SMYD3: variants seen among roughly 807,000 people sequenced by gnomAD.
SMYD3 encodes histone-lysine N-methyltransferase SMYD3.
In SMYD3, 36 loss-of-function variants were observed where a neutral mutation model predicts 57.7. The ratio of observed to expected loss-of-function variants is 0.62; its 90% CI spans 0.48 to 0.82. The LOEUF (loss-of-function observed/expected upper bound fraction) is 0.82, where lower values mean the gene tolerates loss of function less well. Ranked by LOEUF, SMYD3 falls within the 40% of genes least tolerant of loss-of-function variation. The probability of loss-of-function intolerance (pLI) is 0.00; values close to 1 mark genes in which losing one functional copy is unlikely to be tolerated. For synonymous variants in SMYD3, 211 were observed against 195.0 expected, an observed-to-expected ratio of 1.08 and a Z score of -0.68; for missense variants, 515 against 538.8, an observed-to-expected ratio of 0.96 and a Z score of 0.44.
At chr1:245,969,327 CAAT>C (rs923951268) in intron 5 of SMYD3, among the ~76,000 whole-genome samples, 2 of 152,210 alleles carry the variant, frequency 1.3e-5, no homozygotes, top group Non-Finnish European at 2.9e-5. Flanking sequence ...CTTCTACTAA[CAAT>C]AATGACATGG....
chr1:246,368,461 T>G (rs145809250), intron 1 of SMYD3, among the ~76,000 whole-genome samples: 1 of 152,312 alleles, frequency 6.6e-6, no homozygotes, highest in East Asian at 1.9e-4. Context: ...GAATCCACTT[T>G]AAACTTCCTA....
At chr1:246,180,037 G>A (rs1030710511) in intron 5 of SMYD3, among the ~76,000 whole-genome samples, 13 of 151,938 alleles carry the variant, frequency 8.6e-5, no homozygotes, top group African/African-American at 3.1e-4. Context: ...ACCAGGTGTG[G>A]TGGCTCATGC....
rs758959992 is a variant in SMYD3 at position 246,327,244 on chromosome 1, G to C, written c.488C>G (p.Ser163Cys). ...HFMREEIQDA[S>C]QLPPAFDLFE... ...AAGGTCAAAGGCAGGTGGCAGCTGAGAGGCATCCTGTATTTCTTCTCTCAT... is the reference window on the plus strand; with the variant it reads ...AAGGTCAAAGGCAGGTGGCAGCTGACAGGCATCCTGTATTTCTTCTCTCAT... Residue 163 changes from serine (S) to cysteine (C), a missense_variant, in exon 5 of 12, where the codon TCT becomes TGT. Physicochemically the swap from Ser to Cys is moderately radical, Grantham distance 112 (BLOSUM62 -1). Transcript: ENST00000490107. 2.5e-6 allele frequency: 4 copies of C among 1,614,152 alleles called. No individual in the cohort carries two copies. The South Asian group carries it at 4.4e-5, about 18-fold the overall frequency.
intron 1 of SMYD3, among the ~76,000 whole-genome samples, chr1:246,375,908 T>G (rs1572435964): frequency 1.3e-5 from 2 of 151,896 alleles, no homozygotes; most frequent in African/African-American, 2.4e-5. Context: ...TTTTGTATTT[T>G]TAGTAGAGAC....
At chr1:245,776,456 A>G (rs927597711) in intron 10 of SMYD3, among the ~76,000 whole-genome samples, 5 of 152,370 alleles carry the variant, frequency 3.3e-5, no homozygotes, top group Admixed American at 3.3e-4. Flanking sequence ...ATTTACTTTA[A>G]AATAGAAGAT....
intron 5 of SMYD3, among the ~76,000 whole-genome samples, chr1:246,281,103 C>T (rs976678669): frequency 6.6e-6 from 1 of 152,152 alleles, no homozygotes; most frequent in African/African-American, 2.4e-5. Context: ...CAGCACCTGC[C>T]CTCCAGGTAC....
chr1:246,132,709 G>T (rs1251010800), intron 5 of SMYD3, among the ~76,000 whole-genome samples: 1 of 152,080 alleles, frequency 6.6e-6, no homozygotes, highest in Non-Finnish European at 1.5e-5. Context: ...CATAGAATGG[G>T]AGAAAATACT....
At chr1:246,251,456 T>TTTAGTAGGTGCCTCGGACACTGC (rs2063797610) in intron 5 of SMYD3, among the ~76,000 whole-genome samples, 48 of 116,956 alleles carry the variant, frequency 4.1e-4, no homozygotes, top group African/African-American at 1.4e-3. Flanking sequence ...TCGGACACTG[T>TTTAGTAGGTGCCTCGGACACTGC]GCCCGGCTTT....
intron 5 of SMYD3, among the ~76,000 whole-genome samples, chr1:246,183,182 G>A (rs2062581156): frequency 2.0e-5 from 3 of 152,094 alleles, no homozygotes; most frequent in African/African-American, 4.8e-5. Flanking sequence ...AAAGTATTGC[G>A]AAGTCTGTAC....
At chr1:246,332,802 C>T (rs2065482088) in intron 3 of SMYD3, among the ~76,000 whole-genome samples, 1 of 152,190 alleles carries the variant, frequency 6.6e-6, no homozygotes, top group African/African-American at 2.4e-5. Flanking sequence ...AGCAAGACTC[C>T]ATCTCAAAAC....
intron 8 of SMYD3, among the ~76,000 whole-genome samples, chr1:245,892,579 C>G (rs552008379): frequency 6.6e-6 from 1 of 152,152 alleles, no homozygotes; most frequent in African/African-American, 2.4e-5. Context: ...TGCTGATGCT[C>G]CGGAACTAGA....
At position 246,355,189 on chromosome 1, in the gene SMYD3, G is replaced by A. The variant is rs1218150566; in HGVS notation, c.165-95C>T. ...AACATAAGTCAACATACGGACACCC[G>A]TATGTTCTGTTTACTCCATTATGTA... On this transcript the variant is annotated intron_variant, in intron 1 of 11. Transcript: ENST00000490107. The surrounding 1 kb of genome is among the most constrained non-coding windows in gnomAD (Gnocchi z 5.0). The A allele has an allele frequency of 1.7e-5, 21 of 1,225,746 alleles. No homozygotes were observed. The highest frequency in any genetic ancestry group is 2.4e-5 in the East Asian group (1 of 41,846). The allele number at this position is 1,225,746 out of a possible 1,614,324, so 75.9% of individuals were successfully genotyped here.
At position 246,486,309 on chromosome 1, in the gene SMYD3, A is replaced by T. The variant is rs370849037; in HGVS notation, c.164+20745T>A. ...AAAGCTCCTTAACAGATATGACATA[A>T]GTATTAACAGGTTCAAATTCCTCTA... On this transcript the variant is annotated intron_variant, in intron 1 of 11. Coordinates refer to ENST00000490107, the MANE Select transcript of SMYD3 (RefSeq NM_001167740.2). 7.9e-5 allele frequency among the ~76,000 whole-genome samples: 12 copies of T among 152,328 alleles called. No homozygotes were observed. The East Asian group carries it at 2.3e-3, about 29-fold the overall frequency.
Position 246,335,432 on chromosome 1 carries a change from T to TA in SMYD3, c.270dup (p.Lys91Ter). Reference sequence around the variant, plus strand: ...GGAGGATATCTGGGTTTGCAGCTTTTAAGGCATTTGCATTCCCGCTTGTGG... The same window carrying TA: ...GGAGGATATCTGGGTTTGCAGCTTTTAAAGGCATTTGCATTCCCGCTTGTGG... On this transcript the variant is annotated frameshift_variant, in exon 3 of 12. Transcript: ENST00000490107. LOFTEE classifies it high-confidence loss of function. 1 of 1,614,196 alleles carries TA rather than the reference T, an allele frequency of 6.2e-7. No homozygotes were observed. The highest frequency in any genetic ancestry group is 8.5e-7 in the Non-Finnish European group (1 of 1,180,024).
At chr1:245,868,995 A>C (rs1301915526) in intron 8 of SMYD3, among the ~76,000 whole-genome samples, 1 of 152,224 alleles carries the variant, frequency 6.6e-6, no homozygotes, top group Non-Finnish European at 1.5e-5. Context: ...TTTTTATCAC[A>C]GTCCCTGAGG....
chr1:246,229,086 G>A (rs1342967761), intron 5 of SMYD3, among the ~76,000 whole-genome samples: 1 of 151,798 alleles, frequency 6.6e-6, no homozygotes, highest in Non-Finnish European at 1.5e-5. Flanking sequence ...CATTCACTAA[G>A]GATGACTATT....
chr1:246,416,532 G>C (rs1370359444), intron 1 of SMYD3, among the ~76,000 whole-genome samples: 1 of 130,484 alleles, frequency 7.7e-6, no homozygotes, highest in Non-Finnish European at 1.6e-5. Context: ...CCCACAATTA[G>C]AACAGTGTCC....
intron 5 of SMYD3, among the ~76,000 whole-genome samples, chr1:246,115,277 A>C (rs2061325834): frequency 6.6e-6 from 1 of 152,216 alleles, no homozygotes; most frequent in Non-Finnish European, 1.5e-5. Context: ...TGCTCAAATA[A>C]GACCACGAAT....
At chr1:245,919,446 C>A (rs1412630278) in intron 7 of SMYD3, among the ~76,000 whole-genome samples, 1 of 152,192 alleles carries the variant, frequency 6.6e-6, no homozygotes, top group Non-Finnish European at 1.5e-5. Flanking sequence ...AGCCTCTCAT[C>A]CTCCAAGCTT....
Sources: allele counts gnomAD v4.1 joint callset (sites outside exome capture counted in the v4.1 genomes callset), GRCh38; gene constraint gnomAD v4.1.1; non-coding constraint Gnocchi (gnomAD v3.1); transcripts MANE v1.5; gene names NCBI Gene and HGNC (gene_info 2026-07-23, HGNC 2026-07-21).